Variants in ZSCAN2 observed in about 807,000 individuals in gnomAD.
ZSCAN2 encodes the protein zinc finger and SCAN domain-containing protein 2.
In ZSCAN2, 26 loss-of-function variants were observed where a neutral mutation model predicts 47.8. That is an observed-to-expected ratio of 0.54 (90% confidence interval 0.40 to 0.75). ZSCAN2 has a LOEUF of 0.75. ZSCAN2 is among the 30% of genes least tolerant of loss of function. The pLI is 0.00. For missense variants in ZSCAN2, 732 were observed against 785.4 expected (o/e 0.93, Z 0.81); for synonymous variants, 305 against 288.7 (o/e 1.06, Z -0.57).
intron 2 of ZSCAN2, among the ~76,000 whole-genome samples, chr15:84,615,337 A>G (rs1263247937): frequency 1.3e-5 from 2 of 151,442 alleles, no homozygotes; most frequent in Non-Finnish European, 2.9e-5. Flanking sequence ...TTCTGTTTCT[A>G]TCTTTTTGTT....
At chr15:84,618,442 T>C (rs1895744583) in intron 2 of ZSCAN2, among the ~76,000 whole-genome samples, 1 of 152,110 alleles carries the variant, frequency 6.6e-6, no homozygotes, top group Non-Finnish European at 1.5e-5. Context: ...AGTGCAGCTT[T>C]TTTTAGGATT....
intron 1 of ZSCAN2, chr15:84,602,214 G>T (rs1429826317): frequency 1.3e-5 from 2 of 152,086 alleles, no homozygotes; most frequent in African/African-American, 4.8e-5. Context: ...ACCTGCCAAA[G>T]TGCTAGGATT....
Position 84,621,463 on chromosome 15 carries a change from G to A in ZSCAN2, c.1268G>A (p.Cys423Tyr). 1 of 1,614,168 alleles carries A rather than the reference G, an allele frequency of 6.2e-7. No homozygotes were observed. The highest frequency in any genetic ancestry group is 8.5e-7 in the Non-Finnish European group (1 of 1,180,032). The change falls in exon 3 of 3, where the codon TGT (cysteine) becomes TAT (tyrosine). Residue 423 changes from cysteine to tyrosine, a missense_variant. Physicochemically the swap from Cys to Tyr is radical, Grantham distance 194. This residue lies in a region of ZSCAN2 where 412 missense variants were observed against 498.0 expected (regional missense o/e 0.83). Coordinates refer to ENST00000546148, the MANE Select transcript of ZSCAN2 (RefSeq NM_181877.4). The surrounding 1 kb of genome is among the most constrained non-coding windows in gnomAD (Gnocchi z 5.7). ...TGEKPYQCSECGKSFSRSSNL... is the reference protein window; with the variant it reads ...TGEKPYQCSEYGKSFSRSSNL... ...GAGAAACCCTACCAGTGCAGCGAGT[G>A]TGGGAAAAGCTTCAGCCGCAGCTCT...
rs73447295 is a variant in ZSCAN2 at position 84,615,777 on chromosome 15, A to G, written c.407-4825A>G. Among the ~76,000 whole-genome samples, 1,424 of 151,100 alleles carry G rather than the reference A, an allele frequency of 9.4e-3. 21 individuals are homozygous for G. Among genetic ancestry groups the G allele is most frequent in the African/African-American group, 0.033 (1,368 of 41,058 alleles). On this transcript the variant is annotated intron_variant, in intron 2 of 2. Transcript: ENST00000546148. The stretch of plus-strand genomic sequence containing the variant: ...TTGCGCTCCTTTTCCTGTTGTCTTC[A>G]TTTCTCTGGCTGATTTTCCCTCCTT...
In ZSCAN2 at chr15:84,622,159, C is replaced by A; in HGVS notation, c.*119C>A. On this transcript the variant is annotated 3_prime_UTR_variant, in exon 3 of 3. Coordinates refer to ENST00000546148, the MANE Select transcript of ZSCAN2 (RefSeq NM_181877.4). ...ACATTCTGGGGGGTTTTGCCAGAGT[C>A]TTCCCCTTGCTCATCCTCATTTCCA... is the stretch of plus-strand genomic sequence containing the variant. 1 of 890,938 alleles carries A rather than the reference C, an allele frequency of 1.1e-6. No homozygotes were observed. The highest frequency in any genetic ancestry group is 1.8e-6 in the Non-Finnish European group (1 of 570,188). 55.2% of individuals were successfully genotyped at this position (890,938 alleles called of 1,614,324 possible).
chr15:84,621,907 C>T lies in ZSCAN2; in HGVS notation c.1712C>T (p.Ser571Leu). ...TGTGGGAAAGGCTTTAGCTGGAACTCAGTCCTCATTATACATCAGCGAATC... is the reference window on the plus strand; with the variant it reads ...TGTGGGAAAGGCTTTAGCTGGAACTTAGTCCTCATTATACATCAGCGAATC... ...PECGKGFSWN[S>L]VLIIHQRIHT... is the part of the protein sequence containing the mutation. The change falls in exon 3 of 3, where the codon TCA (serine) becomes TTA (leucine). Residue 571 changes from serine to leucine, a missense_variant. Ser to Leu is a moderately radical substitution (Grantham distance 145). Transcript: ENST00000546148. The surrounding 1 kb of genome is among the most constrained non-coding windows in gnomAD (Gnocchi z 5.7). 6.2e-7 allele frequency: 1 copy of T among 1,614,202 alleles called. No individual in the cohort carries two copies. Among genetic ancestry groups the T allele is most frequent in the Non-Finnish European group, 8.5e-7 (1 of 1,180,040 alleles).
At position 84,622,350 on chromosome 15, in the gene ZSCAN2, G is replaced by A. The variant is rs756795918; in HGVS notation, c.*310G>A. On this transcript the variant is annotated 3_prime_UTR_variant, in exon 3 of 3. Transcript: ENST00000546148. ...CTCAGTTTCCTCTTTGGTAAAATGG[G>A]GGGAAATGTTTCTCCATGTGGAATG... 3.5e-6 allele frequency: 2 copies of A among 576,064 alleles called. No individual in the cohort carries two copies. Among genetic ancestry groups the A allele is most frequent in the Non-Finnish European group, 6.3e-6 (2 of 318,914 alleles). 35.7% of individuals were successfully genotyped at this position (576,064 alleles called of 1,614,324 possible). A position where few individuals can be genotyped will look rare whatever the true frequency, so the allele number is the denominator to read the frequency against.
At chr15:84,606,725 C>T (rs1895393321) in intron 2 of ZSCAN2, 3 of 1,424,922 alleles carry the variant, frequency 2.1e-6, no homozygotes, top group East Asian at 5.3e-5. Context: ...TTCCCATCCA[C>T]CTTGCAGCAG....
rs1211437261 is a variant in ZSCAN2 at position 84,623,335 on chromosome 15, G to A, written c.*1295G>A. Reference sequence around the variant, plus strand: ...TTTCGATCTCCTGTCCTCGTGATCTGCCCGCCTTGGCCTCCCGAAGTGCTG... The same window carrying A: ...TTTCGATCTCCTGTCCTCGTGATCTACCCGCCTTGGCCTCCCGAAGTGCTG... On this transcript the variant is annotated 3_prime_UTR_variant, in exon 3 of 3. Transcript: ENST00000546148. 2 of 201,380 alleles carry A rather than the reference G, an allele frequency of 9.9e-6. No homozygotes were observed. The highest frequency in any genetic ancestry group is 2.3e-5 in the Non-Finnish European group (2 of 88,408). 12.5% of individuals were successfully genotyped at this position (201,380 alleles called of 1,614,324 possible).
At position 84,620,970 on chromosome 15, in the gene ZSCAN2, T is replaced by A. The variant is rs1488290035; in HGVS notation, c.775T>A (p.Phe259Ile). The A allele has an allele frequency of 6.2e-7, 1 of 1,613,900 alleles. No individual in the cohort carries two copies. Among genetic ancestry groups the A allele is most frequent in the African/African-American group, 1.3e-5 (1 of 74,952 alleles). The change falls in exon 3 of 3, where the codon TTT becomes ATT. Residue 259 changes from phenylalanine to isoleucine, a missense_variant. By Grantham distance (21) the Phe-to-Ile change is conservative. Around this residue, in one of 2 missense-constraint regions of ZSCAN2, gnomAD observed 412 missense variants for 498.0 expected, o/e 0.83. Coordinates refer to ENST00000546148, the MANE Select transcript of ZSCAN2 (RefSeq NM_181877.4). ...CAAATGTGATGAATGTGGAAAAAGC[T>A]TTAGTGATGGTTCAAATTTTAGTAG... Reference protein sequence around the residue: ...YYKCDECGKSFSDGSNFSRHQ... With the variant: ...YYKCDECGKSISDGSNFSRHQ...
At chr15:84,619,396 C>G (rs939527480) in intron 2 of ZSCAN2, among the ~76,000 whole-genome samples, 13 of 151,446 alleles carry the variant, frequency 8.6e-5, no homozygotes, top group Non-Finnish European at 1.5e-4. Context: ...CGCCATTGCA[C>G]TCCAGCCTGG....
chr15:84,603,817 C>A lies in ZSCAN2; in HGVS notation c.-108-3C>A. The A allele has an allele frequency of 7.7e-7, 1 of 1,297,966 alleles. No homozygotes were observed. Among genetic ancestry groups the A allele is most frequent in the South Asian group, 1.5e-5 (1 of 68,416 alleles). 80.4% of individuals were successfully genotyped at this position (1,297,966 alleles called of 1,614,324 possible). A position where few individuals can be genotyped will look rare whatever the true frequency, so the allele number is the denominator to read the frequency against. On this transcript the variant is annotated splice_polypyrimidine_tract_variant and splice_region_variant and intron_variant, in intron 1 of 2. Coordinates refer to ENST00000546148, the MANE Select transcript of ZSCAN2 (RefSeq NM_181877.4). Reference sequence around the variant, plus strand: ...GATTATGGTTCTCTTTTTTGTTTCTCAGCGGGACTACTTGTTGATATTTGA... The same window carrying A: ...GATTATGGTTCTCTTTTTTGTTTCTAAGCGGGACTACTTGTTGATATTTGA...
intron 2 of ZSCAN2, among the ~76,000 whole-genome samples, chr15:84,610,299 A>C (rs530968738): frequency 6.6e-6 from 1 of 152,156 alleles, no homozygotes; most frequent in African/African-American, 2.4e-5. Flanking sequence ...CAGATCTGTA[A>C]TAGACAGGAT....
intron 2 of ZSCAN2, among the ~76,000 whole-genome samples, chr15:84,618,475 C>T (rs1343879373): frequency 6.6e-6 from 1 of 152,050 alleles, no homozygotes; most frequent in East Asian, 1.9e-4. Flanking sequence ...GAAATTTCCT[C>T]CTCAGGCTCA....
At chr15:84,609,435 G>T (rs1382637290) in intron 2 of ZSCAN2, among the ~76,000 whole-genome samples, 1 of 151,500 alleles carries the variant, frequency 6.6e-6, no homozygotes, top group Non-Finnish European at 1.5e-5. Flanking sequence ...TGGTCCTCCT[G>T]TTTCAGCCAC....
Position 84,604,147 on chromosome 15 carries a change from C to A in ZSCAN2, c.220C>A (p.Gln74Lys), listed in dbSNP as rs1764160324. The A allele has an allele frequency of 6.2e-7, 1 of 1,613,714 alleles. No individual in the cohort carries two copies. Among genetic ancestry groups the A allele is most frequent in the Admixed American group, 1.7e-5 (1 of 59,952 alleles). ...CCAGGAGGAGGTGACCAGGGGACCA[C>A]AGGGTGCACTCGGCCGCCTCCGAGA... ...GPQEEVTRGP[Q>K]GALGRLRELC... The change falls in exon 2 of 3, where the codon CAG (glutamine) becomes AAG (lysine). Residue 74 changes from glutamine to lysine, a missense_variant. Coordinates refer to ENST00000546148, the MANE Select transcript of ZSCAN2 (RefSeq NM_181877.4).
chr15:84,613,181 T>A (rs1215233792), intron 2 of ZSCAN2, among the ~76,000 whole-genome samples: 1 of 152,238 alleles, frequency 6.6e-6, no homozygotes. Context: ...TTATCTTTTC[T>A]CTTCTCTTGG....
chr15:84,612,548 C>T (rs1287994984), intron 2 of ZSCAN2, among the ~76,000 whole-genome samples: 1 of 152,128 alleles, frequency 6.6e-6, no homozygotes, highest in African/African-American at 2.4e-5. Context: ...TCCTGGCTAA[C>T]ACGGTGAAAC....
intron 2 of ZSCAN2, among the ~76,000 whole-genome samples, chr15:84,612,716 CAG>C (rs1895587634): frequency 6.6e-6 from 1 of 151,110 alleles, no homozygotes. Context: ...GCCTGGAAGA[CAG>C]AGTGAGACTG....
Sources: gnomAD v4.1 joint callset for allele counts (sites outside exome capture counted in the v4.1 genomes callset) on GRCh38, gnomAD v4.1.1 for gene constraint, gnomAD v4.1.1 regional missense constraint, Gnocchi (gnomAD v3.1) non-coding constraint, MANE v1.5 for transcripts, NCBI Gene and HGNC (gene_info 2026-07-23, HGNC 2026-07-21) for gene names.